The following ITGBL1 variants were observed in gnomAD, a reference collection of about 807,000 sequenced individuals.
The protein encoded by ITGBL1 is integrin subunit beta like 1, also known as integrin beta-like protein 1.
ITGBL1 carries 51 observed loss-of-function variants against 68.5 expected under a neutral mutation model. The ratio of observed to expected loss-of-function variants is 0.74; its 90% CI spans 0.59 to 0.94. The LOEUF is 0.94. Among genes scored for constraint, ITGBL1 ranks in the 40% least tolerant of loss-of-function variants. The pLI is 0.00. For synonymous variants in ITGBL1, 209 were observed against 227.3 expected, an observed-to-expected ratio of 0.92 and a Z score of 0.72; for missense variants, 649 against 647.4, an observed-to-expected ratio of 1.00 and a Z score of -0.03.
At chr13:101,633,031 C>T (rs2032038783) in intron 7 of ITGBL1, among the ~76,000 whole-genome samples, 2 of 152,194 alleles carry the variant, frequency 1.3e-5, no homozygotes, top group Non-Finnish European at 2.9e-5. Context: ...CCAGGTGATG[C>T]TGGCACTGCT....
intron 2 of ITGBL1, among the ~76,000 whole-genome samples, chr13:101,479,033 G>A (rs2048577230): frequency 6.6e-6 from 1 of 152,006 alleles, no homozygotes; most frequent in African/African-American, 2.4e-5. Context: ...AAAACTGGAG[G>A]CATCATATTA....
At chr13:101,699,120 TTCTTAACTGA>T (rs1362204269) in intron 8 of ITGBL1, among the ~76,000 whole-genome samples, 2 of 152,210 alleles carry the variant, frequency 1.3e-5, no homozygotes, top group Non-Finnish European at 2.9e-5. Context: ...GACTAACCCT[TTCTTAACTGA>T]ACAATACAGT....
intron 2 of ITGBL1, among the ~76,000 whole-genome samples, chr13:101,508,709 T>C (rs73568496): frequency 2.0e-3 from 302 of 152,276 alleles, no homozygotes; most frequent in African/African-American, 6.9e-3. Flanking sequence ...TACATTTATA[T>C]GTAGTCAAAT....
intron 7 of ITGBL1, among the ~76,000 whole-genome samples, chr13:101,682,019 C>A (rs9557726): frequency 0.15 from 22,779 of 152,188 alleles, 2,242 homozygotes; most frequent in Non-Finnish European, 0.22. Flanking sequence ...AAGTTGACAA[C>A]TTTCCATAAG....
At chr13:101,649,289 G>A (rs759573869) in intron 7 of ITGBL1, among the ~76,000 whole-genome samples, 5 of 152,150 alleles carry the variant, frequency 3.3e-5, no homozygotes, top group Non-Finnish European at 7.4e-5. Flanking sequence ...CACAAGGGAT[G>A]TGTCTTCCTA....
rs180956418 is a variant in ITGBL1 at position 101,669,362 on chromosome 13, A to T, written c.1016-23223A>T. Among the ~76,000 whole-genome samples, 74 of 152,276 alleles carry T rather than the reference A, an allele frequency of 4.9e-4. 1 individual carries two copies. The highest frequency in any genetic ancestry group is 2.6e-4 in the Non-Finnish European group (18 of 68,006). ...AGAATGATAAAGGGAAATAAGAAAAATAAATGTTTGTGCTAAGGTAGAATT... is the reference window on the plus strand; with the variant it reads ...AGAATGATAAAGGGAAATAAGAAAATTAAATGTTTGTGCTAAGGTAGAATT... On this transcript the variant is annotated intron_variant, in intron 7 of 10. Coordinates refer to ENST00000376180, the MANE Select transcript of ITGBL1 (RefSeq NM_004791.3).
At chr13:101,581,623 T>C (rs1190834044) in intron 5 of ITGBL1, among the ~76,000 whole-genome samples, 1 of 152,236 alleles carries the variant, frequency 6.6e-6, no homozygotes, top group Non-Finnish European at 1.5e-5. Flanking sequence ...CCTAATTTAT[T>C]ACTTAGTGAT....
At chr13:101,622,916 T>TGTGTGTGC (rs2031641053) in intron 7 of ITGBL1, among the ~76,000 whole-genome samples, 1 of 50,586 alleles carries the variant, frequency 2.0e-5, no homozygotes, top group Non-Finnish European at 3.5e-5. Flanking sequence ...GGGGTATGTA[T>TGTGTGTGC]GTGTGTGTGT....
In ITGBL1 at chr13:101,541,520, G is replaced by A. The variant is rs546707008; in HGVS notation, c.317-26179G>A. Among the ~76,000 whole-genome samples, 39 of 151,668 alleles carry A rather than the reference G, an allele frequency of 2.6e-4. 3 individuals are homozygous for A. In the East Asian group the frequency reaches 4.1e-3, roughly 16 times the overall value. On this transcript the variant is annotated intron_variant, in intron 2 of 10. Transcript: ENST00000376180. ...GATATTAGTCGAAAATTCTCTTTTTGTTGTTGTGTCTCTGCCAGGCTTTGG... is the reference window on the plus strand; with the variant it reads ...GATATTAGTCGAAAATTCTCTTTTTATTGTTGTGTCTCTGCCAGGCTTTGG...
intron 2 of ITGBL1, among the ~76,000 whole-genome samples, chr13:101,522,798 C>G (rs960415891): frequency 2.0e-5 from 3 of 152,040 alleles, no homozygotes; most frequent in Non-Finnish European, 4.4e-5. Flanking sequence ...AGCTTTAAAC[C>G]CAGACACAAG....
intron 7 of ITGBL1, among the ~76,000 whole-genome samples, chr13:101,607,331 G>T (rs1255436919): frequency 2.0e-5 from 3 of 151,976 alleles, no homozygotes; most frequent in Non-Finnish European, 4.4e-5. Context: ...CTCCAAGGTT[G>T]TTGTTTTGGA....
chr13:101,535,418 A>G (rs1011016420), intron 2 of ITGBL1, among the ~76,000 whole-genome samples: 2 of 152,036 alleles, frequency 1.3e-5, no homozygotes, highest in Non-Finnish European at 2.9e-5. Flanking sequence ...AGAGAATATG[A>G]TGTTAGCTGG....
chr13:101,452,854 G>C lies in ITGBL1; in HGVS notation c.21G>C (p.Arg7Ser). Residue 7 changes from arginine (R) to serine (S), a missense_variant, in exon 1 of 11, where the codon AGG (arginine) becomes AGC (serine). Physicochemically the swap from Arg to Ser is moderately radical, Grantham distance 110. Transcript: ENST00000376180. Reference protein sequence around the residue: MRPPGFRNFLLLASSLL... With the variant: MRPPGFSNFLLLASSLL... Reference sequence around the variant, plus strand: ...TCAGCATGCGTCCCCCAGGCTTCAGGAACTTCTTGCTGCTGGCGTCCTCCC... The same window carrying C: ...TCAGCATGCGTCCCCCAGGCTTCAGCAACTTCTTGCTGCTGGCGTCCTCCC... 6.2e-7 allele frequency: 1 copy of C among 1,614,122 alleles called. No homozygotes were observed.
At chr13:101,643,855 G>T (rs899922574) in intron 7 of ITGBL1, among the ~76,000 whole-genome samples, 8 of 152,222 alleles carry the variant, frequency 5.3e-5, no homozygotes, top group Admixed American at 5.2e-4. Context: ...GTGTTCAGCA[G>T]TTCTGGTTTT....
At chr13:101,573,999 C>G (rs141640741) in intron 3 of ITGBL1, among the ~76,000 whole-genome samples, 1 of 152,244 alleles carries the variant, frequency 6.6e-6, no homozygotes, top group Non-Finnish European at 1.5e-5. Context: ...AATATAACAG[C>G]CTTTTAACTC....
chr13:101,603,041 C>A (rs1482292470), intron 7 of ITGBL1, among the ~76,000 whole-genome samples: 1 of 151,938 alleles, frequency 6.6e-6, no homozygotes, highest in East Asian at 1.9e-4. Context: ...TACAAACATT[C>A]CTGTGCGACT....
At chr13:101,569,591 T>C (rs1323414799) in intron 3 of ITGBL1, among the ~76,000 whole-genome samples, 1 of 152,194 alleles carries the variant, frequency 6.6e-6, no homozygotes, top group African/African-American at 2.4e-5. Flanking sequence ...TTTATATCTC[T>C]CTTTAGTCTT....
chr13:101,472,572 A>G (rs1314646696), intron 2 of ITGBL1, among the ~76,000 whole-genome samples: 2 of 152,234 alleles, frequency 1.3e-5, no homozygotes, highest in African/African-American at 4.8e-5. Context: ...TTTAAACCAT[A>G]TAACTCAACT....
At chr13:101,546,829 A>T (rs536237854) in intron 2 of ITGBL1, among the ~76,000 whole-genome samples, 49 of 152,130 alleles carry the variant, frequency 3.2e-4, no homozygotes, top group Non-Finnish European at 6.5e-4. Flanking sequence ...ACTATCAGGA[A>T]TTAAATAAGG....
Sources: gnomAD v4.1 joint callset for allele counts (sites outside exome capture counted in the v4.1 genomes callset) on GRCh38, gnomAD v4.1.1 for gene constraint, MANE v1.5 for transcripts, NCBI Gene and HGNC (gene_info 2026-07-23, HGNC 2026-07-21) for gene names.